THSD4: variants seen among roughly 807,000 people sequenced by gnomAD.
The protein encoded by THSD4 is thrombospondin type-1 domain-containing protein 4.
THSD4 carries 69 observed loss-of-function variants against 119.0 expected under a neutral mutation model. The observed-to-expected ratio is 0.58, with a 90% confidence interval of 0.48 to 0.71. The LOEUF is 0.71. Ranked by LOEUF, THSD4 falls within the 30% of genes least tolerant of loss-of-function variation. The pLI is 0.00. For missense variants in THSD4, 1,393 were observed against 1,391.1 expected, an observed-to-expected ratio of 1.00 and a Z score of -0.02; for synonymous variants, 524 against 540.4, an observed-to-expected ratio of 0.97 and a Z score of 0.42.
chr15:71,702,486 T>C (rs1228468513), intron 8 of THSD4, among the ~76,000 whole-genome samples: 1 of 152,124 alleles, frequency 6.6e-6, no homozygotes, highest in Admixed American at 6.5e-5. Context: ...GACCCTGAAT[T>C]TGGGGGCTCA....
intron 7 of THSD4, among the ~76,000 whole-genome samples, chr15:71,459,160 C>CTT (rs372209662): frequency 8.5e-4 from 109 of 128,864 alleles, no homozygotes; most frequent in African/African-American, 2.1e-3. Flanking sequence ...TTCTTTTTTT[C>CTT]TTTTTTTTTT....
At chr15:71,627,743 G>T (rs1363760417) in intron 7 of THSD4, among the ~76,000 whole-genome samples, 1 of 152,146 alleles carries the variant, frequency 6.6e-6, no homozygotes, top group African/African-American at 2.4e-5. Flanking sequence ...GAAGATTTTG[G>T]TTCAGAGTAA....
intron 6 of THSD4, among the ~76,000 whole-genome samples, chr15:71,310,932 T>C (rs964833150): frequency 3.9e-5 from 6 of 152,094 alleles, no homozygotes; most frequent in Non-Finnish European, 7.4e-5. Context: ...AGCCCCAACA[T>C]CTCCCCCACA....
In THSD4 at chr15:71,547,507, G is replaced by C. The variant is rs969612326; in HGVS notation, c.1153-113023G>C. 5 of 1,548,566 alleles carry C rather than the reference G, an allele frequency of 3.2e-6. No homozygotes were observed. The African/African-American group carries it at 5.5e-5, about 17-fold the overall frequency. ...GTAAGCCAAATAAAATATCTTGTCA[G>C]AAGTTGTATTTTTTTTCAGCATTAT... On this transcript the variant is annotated intron_variant, in intron 7 of 17. Coordinates refer to ENST00000261862, the MANE Select transcript of THSD4 (RefSeq NM_024817.3).
intron 12 of THSD4, among the ~76,000 whole-genome samples, chr15:71,746,079 T>G (rs2141169984): frequency 6.6e-6 from 1 of 152,360 alleles, no homozygotes; most frequent in South Asian, 2.1e-4. Context: ...CATGGGCTGA[T>G]GTCTCATTTA....
intron 6 of THSD4, among the ~76,000 whole-genome samples, chr15:71,260,096 G>A (rs181222279): frequency 7.1e-4 from 108 of 152,270 alleles, no homozygotes; most frequent in African/African-American, 2.5e-3. Flanking sequence ...AGACCTTGAG[G>A]TCTGGTAGAT....
chr15:71,701,217 A>G (rs944329485), intron 8 of THSD4, among the ~76,000 whole-genome samples: 1 of 152,230 alleles, frequency 6.6e-6, no homozygotes, highest in Non-Finnish European at 1.5e-5. Flanking sequence ...GATGTATGTA[A>G]GTAATTCCCA....
At chr15:71,199,890 GGTATGTGTGTGTGGTGCATGTGTGGGGT>G (rs200361779) in intron 3 of THSD4, among the ~76,000 whole-genome samples, 4 of 39,104 alleles carry the variant, frequency 1.0e-4, no homozygotes, top group South Asian at 6.1e-4. Context: ...GTGCATGTGT[GGTATGTGTGTGTGGTGCATGTGTGGGGT>G]GTGTGTGTGT....
chr15:71,499,001 G>A (rs900296259), intron 7 of THSD4, among the ~76,000 whole-genome samples: 7 of 151,790 alleles, frequency 4.6e-5, no homozygotes, highest in Non-Finnish European at 8.8e-5. Context: ...CGCCACACCC[G>A]GCACAGGTCA....
At chr15:71,609,631 T>C (rs1206872269) in intron 7 of THSD4, among the ~76,000 whole-genome samples, 1 of 152,032 alleles carries the variant, frequency 6.6e-6, no homozygotes, top group African/African-American at 2.4e-5. Context: ...GGCGGGCAGA[T>C]CACGAGGTCA....
In THSD4 at chr15:71,256,677, T is replaced by TC; in HGVS notation, c.978dup (p.Met327HisfsTer6). The TC allele has an allele frequency of 6.2e-7, 1 of 1,613,874 alleles. No homozygotes were observed. Among genetic ancestry groups the TC allele is most frequent in the Non-Finnish European group, 8.5e-7 (1 of 1,179,898 alleles). On this transcript the variant is annotated frameshift_variant, in exon 6 of 18. Transcript: ENST00000261862. LOFTEE classifies it high-confidence loss of function. The stretch of plus-strand genomic sequence containing the variant: ...TGTGCATCCTACAACAACAAGCCAT[T>TC]CATGGGCCGGTTTTATGAGTGGGAA...
intron 1 of THSD4, among the ~76,000 whole-genome samples, chr15:71,108,163 TC>T: frequency 6.6e-6 from 1 of 152,320 alleles, no homozygotes; most frequent in South Asian, 2.1e-4. Context: ...ACTGTAGGGC[TC>T]AGGCTGCTGG....
chr15:71,772,944 C>T (rs1473636702), intron 17 of THSD4, among the ~76,000 whole-genome samples: 1 of 152,076 alleles, frequency 6.6e-6, no homozygotes, highest in Admixed American at 6.6e-5. Context: ...TGCAATGGCT[C>T]ACACCTGTAA....
intron 6 of THSD4, among the ~76,000 whole-genome samples, chr15:71,375,333 AC>A (rs1244812243): frequency 1.3e-5 from 2 of 151,978 alleles, no homozygotes; most frequent in African/African-American, 4.8e-5. Context: ...CTTCATCTCA[AC>A]CTCATTGGTG....
intron 8 of THSD4, among the ~76,000 whole-genome samples, chr15:71,703,821 A>C (rs545641827): frequency 6.6e-6 from 1 of 152,250 alleles, no homozygotes; most frequent in Admixed American, 6.5e-5. Context: ...TATTTAATGA[A>C]AAACTCTACA....
chr15:71,689,824 G>A (rs1424357353), intron 8 of THSD4, among the ~76,000 whole-genome samples: 1 of 152,170 alleles, frequency 6.6e-6, no homozygotes, highest in African/African-American at 2.4e-5. Flanking sequence ...CTCCAGTTTG[G>A]GTTCTGAGTC....
In THSD4 at chr15:71,120,637, G is replaced by A. The variant is rs557577250; in HGVS notation, c.-80+4939G>A. On this transcript the variant is annotated intron_variant, in intron 1 of 17. Coordinates refer to ENST00000261862, the MANE Select transcript of THSD4 (RefSeq NM_024817.3). Reference sequence around the variant, plus strand: ...TGGCCAGCAGTGAGGACAAAAGCACGGAGTGATTAATGGGCACCCCATCTA... The same window carrying A: ...TGGCCAGCAGTGAGGACAAAAGCACAGAGTGATTAATGGGCACCCCATCTA... Among the ~76,000 whole-genome samples the A allele has an allele frequency of 5.3e-5, 8 of 152,346 alleles. No individual in the cohort carries two copies. In the East Asian group the frequency reaches 7.7e-4, roughly 15 times the overall value.
At chr15:71,294,923 T>TA (rs10656605) in intron 6 of THSD4, among the ~76,000 whole-genome samples, 37,092 of 138,130 alleles carry the variant, frequency 0.27, 5,051 homozygotes, top group Middle Eastern at 0.36. Flanking sequence ...CTCACAGCTG[T>TA]AAAAAAAAAA....
intron 7 of THSD4, among the ~76,000 whole-genome samples, chr15:71,549,231 G>A (rs1014857476): frequency 4.6e-5 from 7 of 152,340 alleles, no homozygotes; most frequent in South Asian, 2.1e-4. Flanking sequence ...TAGAAAACCC[G>A]ATCAGAGGTA....
Sources: allele counts gnomAD v4.1 joint callset (sites outside exome capture counted in the v4.1 genomes callset), GRCh38; gene constraint gnomAD v4.1.1; transcripts MANE v1.5; gene names NCBI Gene and HGNC (gene_info 2026-07-23, HGNC 2026-07-21).